The following LARGE1 variants were observed in gnomAD, a reference collection of about 807,000 sequenced individuals.
LARGE1 encodes xylosyl- and glucuronyltransferase LARGE1.
LARGE1 carries 43 observed loss-of-function variants against 87.6 expected under a neutral mutation model. The ratio of observed to expected loss-of-function variants is 0.49; its 90% CI spans 0.38 to 0.63. The LOEUF is 0.63. Ranked by LOEUF, LARGE1 falls within the 30% of genes least tolerant of loss-of-function variation. The pLI, the probability that LARGE1 is intolerant of heterozygous loss-of-function variation, is 0.00. For missense variants in LARGE1, 802 were observed against 1,000.2 expected, an observed-to-expected ratio of 0.80 and a Z score of 2.67; for synonymous variants, 434 against 394.6, an observed-to-expected ratio of 1.10 and a Z score of -1.18.
chr22:33,742,705 T>C (rs1601494049), intron 2 of LARGE1, among the ~76,000 whole-genome samples: 1 of 152,230 alleles, frequency 6.6e-6, no homozygotes, highest in Admixed American at 6.5e-5. Context: ...TTTTTCTTTA[T>C]AATAAAAACA....
the LARGE1 span, among the ~76,000 whole-genome samples, chr22:33,087,496 C>T: frequency 2.6e-5 from 4 of 152,096 alleles, no homozygotes; most frequent in Admixed American, 6.5e-5. Flanking sequence ...CATGTGTACC[C>T]AAAAAGTGCA....
chr22:33,199,379 AC>A (rs2146207425), intron 11 of LARGE1, among the ~76,000 whole-genome samples: 1 of 152,238 alleles, frequency 6.6e-6, no homozygotes, highest in Non-Finnish European at 1.5e-5. Flanking sequence ...CCATTTATCT[AC>A]TTTAGTCTTT....
intron 4 of LARGE1, among the ~76,000 whole-genome samples, chr22:33,605,746 T>C (rs1165266797): frequency 6.6e-6 from 1 of 152,036 alleles, no homozygotes; most frequent in Non-Finnish European, 1.5e-5. Flanking sequence ...AATACAAAGA[T>C]GAGAATGACC....
chr22:33,796,505 C>A (rs2085988739), intron 1 of LARGE1, among the ~76,000 whole-genome samples: 1 of 152,094 alleles, frequency 6.6e-6, no homozygotes, highest in African/African-American at 2.4e-5. Flanking sequence ...GAGAGAAACA[C>A]CCAAAATAAT....
In LARGE1 at chr22:33,304,389, T is replaced by C; in HGVS notation, c.1570A>G (p.Met524Val). ...LRYAQGSEVL[M>V]SRHNVGYHIV... ...TGGTAGCCCACGTTGTGGCGGCTCA[T>C]AAGCACCTCAGAGCCCTGTGCGTAG... Residue 524 changes from methionine to valine, a missense_variant, in exon 12 of 15, where the codon ATG becomes GTG. Around this residue, in one of 2 missense-constraint regions of LARGE1, gnomAD observed 625 missense variants for 841.9 expected, o/e 0.74. Transcript: ENST00000397394. 1.2e-6 allele frequency: 2 copies of C among 1,614,270 alleles called. No homozygotes were observed. The highest frequency in any genetic ancestry group is 4.5e-5 in the East Asian group (2 of 44,886).
intron 6 of LARGE1, among the ~76,000 whole-genome samples, chr22:33,497,872 CATTT>C (rs756958951): frequency 5.3e-5 from 8 of 152,024 alleles, no homozygotes; most frequent in Non-Finnish European, 1.0e-4. Flanking sequence ...GCTTACTTTT[CATTT>C]ATTTATTTGT....
At chr22:33,665,882 AC>A (rs2081253785) in intron 2 of LARGE1, among the ~76,000 whole-genome samples, 1 of 112,256 alleles carries the variant, frequency 8.9e-6, no homozygotes, top group South Asian at 3.6e-4. Flanking sequence ...ACAGAGCAAG[AC>A]CCCGTCTCAA....
At chr22:33,081,896 AATG>A in the LARGE1 span, among the ~76,000 whole-genome samples, 1 of 152,180 alleles carries the variant, frequency 6.6e-6, no homozygotes, top group African/African-American at 2.4e-5. Context: ...CCATTTTATA[AATG>A]ATAAGATTCA....
intron 11 of LARGE1, among the ~76,000 whole-genome samples, chr22:33,212,999 C>G (rs1925036914): frequency 6.9e-6 from 1 of 145,166 alleles, no homozygotes; most frequent in Non-Finnish European, 1.5e-5. Context: ...GCCTGGGTGA[C>G]AGAGCAAGAC....
At position 33,579,819 on chromosome 22, in the gene LARGE1, A is replaced by G. The variant is rs534408365; in HGVS notation, c.616-14800T>C. Among the ~76,000 whole-genome samples, 15 of 152,348 alleles carry G rather than the reference A, an allele frequency of 9.8e-5. No homozygotes were observed. The South Asian group carries it at 2.9e-3, about 29-fold the overall frequency. On this transcript the variant is annotated intron_variant, in intron 5 of 14. Transcript: ENST00000397394. Reference sequence around the variant, plus strand: ...GCAATCAAGCCTGAGGTACACAACAATTGGGAAGTGAGCCAATCAATTAAT... The same window carrying G: ...GCAATCAAGCCTGAGGTACACAACAGTTGGGAAGTGAGCCAATCAATTAAT...
chr22:33,250,066 C>T (rs537178745), intron 11 of LARGE1, among the ~76,000 whole-genome samples: 3 of 152,238 alleles, frequency 2.0e-5, no homozygotes, highest in African/African-American at 7.2e-5. Flanking sequence ...CCAATATTCA[C>T]GTAATAAACT....
intron 9 of LARGE1, among the ~76,000 whole-genome samples, chr22:33,364,304 G>A (rs942977469): frequency 6.6e-6 from 1 of 152,054 alleles, no homozygotes; most frequent in Admixed American, 6.5e-5. Flanking sequence ...TGATCCGCCC[G>A]CCTCGGCCTC....
At position 33,831,660 on chromosome 22, in the gene LARGE1, T is replaced by G. The variant is rs558614452; in HGVS notation, c.-82-70102A>C. On this transcript the variant is annotated intron_variant, in intron 1 of 14. Coordinates refer to ENST00000397394, the MANE Select transcript of LARGE1 (RefSeq NM_133642.5). ...AAAAAAAGATAACTGGACAAGAACTTGCAGTTTGCAAACTCAGACATAGAC... is the reference window on the plus strand; with the variant it reads ...AAAAAAAGATAACTGGACAAGAACTGGCAGTTTGCAAACTCAGACATAGAC... Among the ~76,000 whole-genome samples, 3 of 152,146 alleles carry G rather than the reference T, an allele frequency of 2.0e-5. No homozygotes were observed. The South Asian group carries it at 6.2e-4, about 32-fold the overall frequency.
intron 1 of LARGE1, among the ~76,000 whole-genome samples, chr22:33,882,065 C>T (rs1303521117): frequency 1.5e-5 from 2 of 136,158 alleles, no homozygotes; most frequent in South Asian, 2.3e-4. Flanking sequence ...TTTTTTGAGA[C>T]GGAGTCTCGC....
chr22:33,719,933 G>A (rs762536762), intron 2 of LARGE1, among the ~76,000 whole-genome samples: 1 of 152,148 alleles, frequency 6.6e-6, no homozygotes, highest in Non-Finnish European at 1.5e-5. Context: ...CAGGTTTGCT[G>A]CCTAGAGGCA....
At chr22:33,471,144 C>T (rs2068824874) in intron 6 of LARGE1, among the ~76,000 whole-genome samples, 1 of 151,510 alleles carries the variant, frequency 6.6e-6, no homozygotes, top group Non-Finnish European at 1.5e-5. Flanking sequence ...TCTCATGCCT[C>T]AGCCTTCCAA....
intron 1 of LARGE1, among the ~76,000 whole-genome samples, chr22:33,765,160 G>A (rs891421751): frequency 2.0e-5 from 3 of 152,056 alleles, no homozygotes; most frequent in Non-Finnish European, 4.4e-5. Context: ...GTACGGATGA[G>A]AAAATTAAGG....
intron 1 of LARGE1, among the ~76,000 whole-genome samples, chr22:33,846,737 A>G (rs4635624): frequency 0.65 from 98,997 of 151,986 alleles, 32,880 homozygotes; most frequent in African/African-American, 0.77. Context: ...TTCTATGGTC[A>G]AGGCTGTAGG....
intron 11 of LARGE1, among the ~76,000 whole-genome samples, chr22:33,211,435 C>G (rs1028636605): frequency 2.0e-5 from 3 of 152,180 alleles, no homozygotes; most frequent in African/African-American, 7.2e-5. Context: ...TTGTCCCAAA[C>G]AGCCTAGCTG....
Sources: allele counts gnomAD v4.1 joint callset (sites outside exome capture counted in the v4.1 genomes callset), GRCh38; gene constraint gnomAD v4.1.1; regional missense constraint gnomAD v4.1.1; transcripts MANE v1.5; gene names NCBI Gene and HGNC (gene_info 2026-07-23, HGNC 2026-07-21).